The following DNAH8 variants were observed in gnomAD, a reference collection of about 807,000 sequenced individuals.
DNAH8 encodes dynein axonemal heavy chain 8.
A neutral mutation model predicts 562.1 loss-of-function variants in DNAH8; 382 were observed. The observed-to-expected ratio is 0.68, with a 90% CI of 0.63 to 0.74. The LOEUF is 0.74. DNAH8 is among the 30% of genes least tolerant of loss of function. The pLI is 0.00. For missense variants in DNAH8, 5,203 were observed against 5,620.4 expected (o/e 0.93, Z 2.37); for synonymous variants, 1,881 against 1,919.4 (o/e 0.98, Z 0.52).
Position 38,840,208 on chromosome 6 carries a change from G to A in DNAH8, c.4467-2160G>A, listed in dbSNP as rs149720190. On this transcript the variant is annotated intron_variant, in intron 33 of 92. Transcript: ENST00000327475. The stretch of plus-strand genomic sequence containing the variant: ...ATTAATTCTGACTTTTCTTGCACTT[G>A]CATTGTCAAGACTCAAAGCTGTTGA... Among the ~76,000 whole-genome samples the A allele has an allele frequency of 2.6e-5, 4 of 152,210 alleles. No individual in the cohort carries two copies. In the East Asian group the frequency reaches 7.7e-4, roughly 29 times the overall value.
intron 12 of DNAH8, among the ~76,000 whole-genome samples, chr6:38,773,152 G>A (rs1302317402): frequency 1.3e-5 from 2 of 151,686 alleles, no homozygotes; most frequent in Non-Finnish European, 2.9e-5. Context: ...GTTCAGTTAG[G>A]CTACTAGCAC....
chr6:38,901,181 C>T (rs778614790), intron 62 of DNAH8, among the ~76,000 whole-genome samples: 2 of 151,954 alleles, frequency 1.3e-5, no homozygotes, highest in South Asian at 2.1e-4. Flanking sequence ...ATTCTCTTAG[C>T]GGATCTTAAT....
intron 3 of DNAH8, among the ~76,000 whole-genome samples, chr6:38,725,063 G>A (rs546470064): frequency 6.6e-6 from 1 of 152,158 alleles, no homozygotes; most frequent in East Asian, 1.9e-4. Flanking sequence ...AGCACTTTGG[G>A]AAGCTGAGGC....
chr6:38,861,915 T>G (rs1241796883), intron 43 of DNAH8, among the ~76,000 whole-genome samples: 1 of 151,330 alleles, frequency 6.6e-6, no homozygotes, highest in Admixed American at 6.6e-5. Context: ...GTGGAAGAAT[T>G]TATACAATAG....
chr6:38,823,831 T>C (rs1773086479), intron 28 of DNAH8, 143 bp downstream of exon 28: 2 of 468,204 alleles, frequency 4.3e-6, no homozygotes, highest in Admixed American at 3.7e-5. Context: ...GTTATAATAA[T>C]AGTATTATAC....
chr6:38,928,158 A>G (rs547857993), intron 74 of DNAH8: 1 of 152,328 alleles, frequency 6.6e-6, no homozygotes, highest in South Asian at 2.1e-4. Context: ...TAAAGACCCA[A>G]TACCAGTCTT....
intron 52 of DNAH8, 132 bp downstream of exon 52, chr6:38,873,508 C>T: frequency 2.6e-6 from 2 of 770,800 alleles, no homozygotes; most frequent in Non-Finnish European, 3.9e-6. Flanking sequence ...TGTAAAAGCT[C>T]TGATAATTTT....
At chr6:38,971,290 A>T (rs1217828862) in intron 82 of DNAH8, among the ~76,000 whole-genome samples, 1 of 152,072 alleles carries the variant, frequency 6.6e-6, no homozygotes, top group East Asian at 1.9e-4. Context: ...CTCTCCCACC[A>T]TTGATCTTGT....
At chr6:39,010,449 A>G (rs1046804726) in intron 89 of DNAH8, among the ~76,000 whole-genome samples, 5 of 152,292 alleles carry the variant, frequency 3.3e-5, no homozygotes, top group Admixed American at 3.3e-4. Context: ...TAAAAAGACA[A>G]TTTTAGGCTG....
chr6:38,815,477 C>G lies in DNAH8; in HGVS notation c.3343C>G (p.Pro1115Ala). The change falls in exon 26 of 93, where the codon CCT becomes GCT. Residue 1115 changes from proline to alanine, a missense_variant. Transcript: ENST00000327475. Reference protein sequence around the residue: ...HLAIPNVVMIPSLDDIQQAIN... With the variant: ...HLAIPNVVMIASLDDIQQAIN... ...TTTCTTCTTTCCACAGGTGATGATT[C>G]CTAGTTTGGATGACATTCAACAAGC... The G allele has an allele frequency of 6.2e-7, 1 of 1,613,200 alleles. No individual in the cohort carries two copies. The highest frequency in any genetic ancestry group is 1.1e-5 in the South Asian group (1 of 91,030).
At chr6:38,883,547 A>G in intron 55 of DNAH8, 91 bp downstream of exon 55, 1 of 1,321,460 alleles carries the variant, frequency 7.6e-7, no homozygotes, top group South Asian at 1.6e-5. Flanking sequence ...AAATGTGAAA[A>G]TATTATATAT....
chr6:38,745,944 G>C (rs541235737), intron 8 of DNAH8, among the ~76,000 whole-genome samples: 1 of 152,254 alleles, frequency 6.6e-6, no homozygotes, highest in Non-Finnish European at 1.5e-5. Flanking sequence ...TTTTAAAATT[G>C]ATCATTTAGT....
At chr6:38,728,279 T>C (rs1253749597) in intron 3 of DNAH8, among the ~76,000 whole-genome samples, 1 of 152,162 alleles carries the variant, frequency 6.6e-6, no homozygotes, top group East Asian at 1.9e-4. Context: ...ACTTAAAGTC[T>C]TTTTACCTTA....
At chr6:38,996,561 CATCTAG>C (rs1738679456) in intron 88 of DNAH8, among the ~76,000 whole-genome samples, 1 of 152,198 alleles carries the variant, frequency 6.6e-6, no homozygotes, top group African/African-American at 2.4e-5. Context: ...TGACAAGGCT[CATCTAG>C]AGCACCCATG....
intron 10 of DNAH8, among the ~76,000 whole-genome samples, chr6:38,760,460 CT>C (rs11391110): frequency 1.1e-4 from 16 of 148,762 alleles, no homozygotes; most frequent in Middle Eastern, 6.8e-3. Flanking sequence ...AAATCTCAAA[CT>C]TTTTTTTTTT....
intron 53 of DNAH8, among the ~76,000 whole-genome samples, chr6:38,879,075 A>G (rs1345904527): frequency 6.6e-6 from 1 of 152,152 alleles, no homozygotes; most frequent in Non-Finnish European, 1.5e-5. Flanking sequence ...TCTACTAAAG[A>G]AATTGAATTT....
chr6:38,739,074 T>C (rs1395235140), intron 7 of DNAH8, among the ~76,000 whole-genome samples: 1 of 151,842 alleles, frequency 6.6e-6, no homozygotes, highest in Non-Finnish European at 1.5e-5. Context: ...CATTTACCTG[T>C]ATCATTTACC....
At chr6:38,995,965 T>G (rs545070222) in intron 88 of DNAH8, among the ~76,000 whole-genome samples, 1 of 152,288 alleles carries the variant, frequency 6.6e-6, no homozygotes, top group African/African-American at 2.4e-5. Flanking sequence ...TATATGGTGG[T>G]TATACTTACT....
At position 38,929,667 on chromosome 6, in the gene DNAH8, G is replaced by A. The variant is rs747258824; in HGVS notation, c.11274+1G>A. On this transcript the variant is annotated splice_donor_variant, in intron 75 of 92. Transcript: ENST00000327475. LOFTEE classifies it high-confidence loss of function. ...TATTAAATCTGGCACCACTTTCAAGGTGAGCTTTGTAAAAAAAAAAAAAAA... is the reference window on the plus strand; with the variant it reads ...TATTAAATCTGGCACCACTTTCAAGATGAGCTTTGTAAAAAAAAAAAAAAA... 55 of 1,443,404 alleles carry A rather than the reference G, an allele frequency of 3.8e-5. No homozygotes were observed. Among genetic ancestry groups the A allele is most frequent in the Non-Finnish European group, 4.8e-5 (53 of 1,096,170 alleles). 89.4% of individuals were successfully genotyped at this position (1,443,404 alleles called of 1,614,324 possible).
Sources: allele counts gnomAD v4.1 joint callset (sites outside exome capture counted in the v4.1 genomes callset), GRCh38; gene constraint gnomAD v4.1.1; transcripts MANE v1.5; gene names NCBI Gene and HGNC (gene_info 2026-07-23, HGNC 2026-07-21).